The following MAP4K3 variants were observed in gnomAD, a reference collection of about 807,000 sequenced individuals.
MAP4K3 encodes MAPK/ERK kinase kinase kinase 3.
A neutral mutation model predicts 143.5 loss-of-function variants in MAP4K3; 94 were observed. The ratio of observed to expected loss-of-function variants is 0.65; its 90% confidence interval spans 0.55 to 0.78. The LOEUF (loss-of-function observed/expected upper bound fraction) is 0.78, where lower values mean the gene tolerates loss of function less well. Among genes scored for constraint, MAP4K3 ranks in the 30% least tolerant of loss-of-function variants. The probability of loss-of-function intolerance (pLI) is 0.00; values close to 1 mark genes in which losing one functional copy is unlikely to be tolerated. For missense variants in MAP4K3, 1,077 were observed against 1,068.1 expected (o/e 1.01, Z -0.12); for synonymous variants, 416 against 347.2 (o/e 1.20, Z -2.20).
chr2:39,273,248 G>C (rs1449414288), intron 24 of MAP4K3, among the ~76,000 whole-genome samples: 3 of 152,090 alleles, frequency 2.0e-5, no homozygotes, highest in Non-Finnish European at 4.4e-5. Flanking sequence ...GTTTTTAAAT[G>C]GTCCTTGGAC....
intron 28 of MAP4K3, chr2:39,261,144 C>G (rs1680552060): frequency 6.0e-6 from 1 of 165,380 alleles, no homozygotes; most frequent in Admixed American, 6.3e-5. Context: ...TTCAGTTATA[C>G]TCCTCTGCCT....
chr2:39,361,459 G>A (rs991061088), intron 2 of MAP4K3, among the ~76,000 whole-genome samples: 1 of 150,910 alleles, frequency 6.6e-6, no homozygotes, highest in East Asian at 1.9e-4. Context: ...AAAAAAATAA[G>A]GCGGTATAAA....
Position 39,268,634 on chromosome 2 carries a change from AT to A in MAP4K3, c.1974-1388del, listed in dbSNP as rs70954799. ...CTGTGCCCGGCTAAAGATTTTTTCT[AT>A]TTTTTTTTTTTTTTTTTTTTTTGAG... On this transcript the variant is annotated intron_variant, in intron 26 of 33. Coordinates refer to ENST00000263881, the MANE Select transcript of MAP4K3 (RefSeq NM_003618.4). Among the ~76,000 whole-genome samples, 560 of 73,744 alleles carry A rather than the reference AT, an allele frequency of 7.6e-3. 2 individuals carry two copies. The highest frequency in any genetic ancestry group is 0.026 in the African/African-American group (503 of 19,042). The allele number at this position is 73,744 out of a possible 152,430, so 48.4% of individuals were successfully genotyped here.
chr2:39,387,886 T>TA (rs1001279665), intron 1 of MAP4K3, among the ~76,000 whole-genome samples: 23 of 152,000 alleles, frequency 1.5e-4, no homozygotes, highest in Non-Finnish European at 2.2e-4. Flanking sequence ...CTGGTCCTAA[T>TA]AAAAAAAAAT....
At chr2:39,275,995 C>G (rs972309916) in intron 24 of MAP4K3, among the ~76,000 whole-genome samples, 10 of 152,114 alleles carry the variant, frequency 6.6e-5, no homozygotes, top group Non-Finnish European at 2.9e-5. Context: ...GTCTCAGCCT[C>G]CTGAGTAGCT....
chr2:39,337,011 G>A lies in MAP4K3; in HGVS notation c.367-44C>T, dbSNP rs760412563. 8 of 1,006,116 alleles carry A rather than the reference G, an allele frequency of 8.0e-6. No individual in the cohort carries two copies. In the South Asian group the frequency reaches 1.2e-4, roughly 15 times the overall value. 62.3% of individuals were successfully genotyped at this position (1,006,116 alleles called of 1,614,324 possible). ...GAAAAATAAACAAGATTTTATCAAAGAGCACTCTTTTGGATTTTATGTAAT... is the reference window on the plus strand; with the variant it reads ...GAAAAATAAACAAGATTTTATCAAAAAGCACTCTTTTGGATTTTATGTAAT... On this transcript the variant is annotated intron_variant, in intron 5 of 33. Coordinates refer to ENST00000263881, the MANE Select transcript of MAP4K3 (RefSeq NM_003618.4).
At chr2:39,359,589 T>C (rs1489016696) in intron 2 of MAP4K3, among the ~76,000 whole-genome samples, 2 of 152,262 alleles carry the variant, frequency 1.3e-5, no homozygotes, top group Non-Finnish European at 2.9e-5. Flanking sequence ...GTTTCCCTTC[T>C]GCACTGCCCT....
intron 2 of MAP4K3, among the ~76,000 whole-genome samples, chr2:39,377,051 T>A (rs1018687144): frequency 4.1e-4 from 62 of 152,204 alleles, no homozygotes; most frequent in Admixed American, 2.9e-3. Flanking sequence ...TCACAGTCAA[T>A]CAGCACATCC....
intron 14 of MAP4K3, among the ~76,000 whole-genome samples, 193 bp from the exon 15 acceptor site, chr2:39,308,198 T>G (rs1016640414): frequency 2.6e-5 from 4 of 152,204 alleles, no homozygotes; most frequent in Non-Finnish European, 4.4e-5. Context: ...ATGCAGTTAC[T>G]AAATTAGTAC....
At chr2:39,300,961 T>A (rs1682481836) in intron 15 of MAP4K3, among the ~76,000 whole-genome samples, 4 of 152,238 alleles carry the variant, frequency 2.6e-5, no homozygotes, top group Admixed American at 2.6e-4. Context: ...AATAAATGCT[T>A]GTTCAAATGC....
intron 1 of MAP4K3, among the ~76,000 whole-genome samples, chr2:39,426,760 T>A (rs1558351821): frequency 6.6e-6 from 1 of 152,034 alleles, no homozygotes; most frequent in African/African-American, 2.4e-5. Flanking sequence ...AACAGCAGAT[T>A]AGACAGACAT....
At chr2:39,409,430 T>A (rs974798617) in intron 1 of MAP4K3, among the ~76,000 whole-genome samples, 8 of 152,176 alleles carry the variant, frequency 5.3e-5, no homozygotes, top group Admixed American at 6.5e-5. Context: ...TGAACTTCAA[T>A]AAATGATCCA....
At chr2:39,396,174 A>T (rs1666799951) in intron 1 of MAP4K3, among the ~76,000 whole-genome samples, 1 of 152,100 alleles carries the variant, frequency 6.6e-6, no homozygotes, top group East Asian at 1.9e-4. Context: ...AGCAGTTGGA[A>T]CTACAGGCAT....
chr2:39,328,669 T>A (rs549263055), intron 8 of MAP4K3, among the ~76,000 whole-genome samples: 1 of 152,288 alleles, frequency 6.6e-6, no homozygotes, highest in East Asian at 1.9e-4. Flanking sequence ...TTTTCAACAT[T>A]CATACAACTG....
At chr2:39,366,904 G>C (rs1057182404) in intron 2 of MAP4K3, among the ~76,000 whole-genome samples, 2 of 152,078 alleles carry the variant, frequency 1.3e-5, no homozygotes, top group African/African-American at 4.8e-5. Context: ...ACCCAACTTT[G>C]AATTTTTGAA....
chr2:39,359,789 T>C (rs1181444824), intron 2 of MAP4K3, among the ~76,000 whole-genome samples: 1 of 152,242 alleles, frequency 6.6e-6, no homozygotes, highest in Non-Finnish European at 1.5e-5. Flanking sequence ...TGGCCTGAGC[T>C]ATACGTTGGC....
chr2:39,427,625 T>C lies in MAP4K3; in HGVS notation c.96+9267A>G, dbSNP rs1217667231. Among the ~76,000 whole-genome samples the C allele has an allele frequency of 2.6e-5, 4 of 152,160 alleles. No homozygotes were observed. In the East Asian group the frequency reaches 7.7e-4, roughly 29 times the overall value. On this transcript the variant is annotated intron_variant, in intron 1 of 33. Transcript: ENST00000263881. Reference sequence around the variant, plus strand: ...GAAAGATCAGTTAACTTCAGACTAATTACACAAGTTGCAAATTTAACGGTA... The same window carrying C: ...GAAAGATCAGTTAACTTCAGACTAACTACACAAGTTGCAAATTTAACGGTA...
At chr2:39,256,231 TC>T (rs1680337693) in intron 31 of MAP4K3, among the ~76,000 whole-genome samples, 1 of 152,212 alleles carries the variant, frequency 6.6e-6, no homozygotes, top group Non-Finnish European at 1.5e-5. Flanking sequence ...ATGTACATAA[TC>T]ATACCATCAG....
At chr2:39,322,297 A>G (rs557051287) in intron 12 of MAP4K3, among the ~76,000 whole-genome samples, 16 of 152,348 alleles carry the variant, frequency 1.1e-4, no homozygotes, top group Non-Finnish European at 1.9e-4. Context: ...ATGAACATGG[A>G]TGAAACTCAT....
Sources: allele counts gnomAD v4.1 joint callset (sites outside exome capture counted in the v4.1 genomes callset), GRCh38; gene constraint gnomAD v4.1.1; transcripts MANE v1.5; gene names NCBI Gene and HGNC (gene_info 2026-07-23, HGNC 2026-07-21).